PRKG1: variants seen among roughly 807,000 people sequenced by gnomAD.
PRKG1 encodes the protein protein kinase cGMP-dependent 1.
Under a neutral mutation model 88.1 loss-of-function variants are expected in PRKG1, and 35 were observed. The ratio of observed to expected loss-of-function variants is 0.40; its 90% CI spans 0.30 to 0.53. PRKG1 has a LOEUF of 0.53. Ranked by LOEUF, PRKG1 falls within the 20% of genes least tolerant of loss-of-function variation. PRKG1 has a pLI of 0.59. For missense variants in PRKG1, 540 were observed against 839.8 expected, an observed-to-expected ratio of 0.64 and a Z score of 4.41; for synonymous variants, 303 against 292.5, an observed-to-expected ratio of 1.04 and a Z score of -0.37.
chr10:51,944,284 C>T (rs146253149), intron 5 of PRKG1, among the ~76,000 whole-genome samples: 3,280 of 152,016 alleles, frequency 0.022, 140 homozygotes, highest in African/African-American at 0.071. Flanking sequence ...CGTATTTCTG[C>T]GGGATCAGTG....
chr10:51,776,927 C>T (rs560806812), intron 3 of PRKG1, among the ~76,000 whole-genome samples: 3 of 152,232 alleles, frequency 2.0e-5, no homozygotes, highest in African/African-American at 7.2e-5. Context: ...TCCTATGCCA[C>T]GGAAGACATT....
chr10:52,068,223 A>G (rs1174990368), intron 7 of PRKG1, among the ~76,000 whole-genome samples: 1 of 104,590 alleles, frequency 9.6e-6, no homozygotes, highest in Non-Finnish European at 2.5e-5. Context: ...AAAAAAAAAA[A>G]AAAAGATCCC....
rs75016545 is a variant in PRKG1 at position 51,703,450 on chromosome 10, T to C, written c.593-101135T>C. 2.6e-3 allele frequency among the ~76,000 whole-genome samples: 398 copies of C among 152,314 alleles called. 2 individuals are homozygous for C. The highest frequency in any genetic ancestry group is 9.4e-3 in the African/African-American group (391 of 41,556). On this transcript the variant is annotated intron_variant, in intron 3 of 17. Transcript: ENST00000373980. The stretch of plus-strand genomic sequence containing the variant: ...CCCTAGGTTAGAAGTAATTTTGTTT[T>C]TCTTTGGATATAAACCTTGATATAC...
rs10650535 is a variant in PRKG1, at chr10:51,852,213, G to GTATATATA, written c.698+47532_698+47539dup. On this transcript the variant is annotated intron_variant, in intron 4 of 17. Transcript: ENST00000373980. The stretch of plus-strand genomic sequence containing the variant: ...TTAGGCAAACCTAAGTTTTATATGT[G>GTATATATA]TATATATATATATATACACACACAC... 9.8e-5 allele frequency among the ~76,000 whole-genome samples: 14 copies of GTATATATA among 143,294 alleles called. 1 individual carries two copies. The South Asian group carries it at 1.1e-3, about 11-fold the overall frequency. The allele number at this position is 143,294 out of a possible 152,430, so 94.0% of individuals were successfully genotyped here. A position where few individuals can be genotyped will look rare whatever the true frequency, so the allele number is the denominator to read the frequency against.
intron 4 of PRKG1, among the ~76,000 whole-genome samples, chr10:51,893,863 T>C (rs895676722): frequency 3.9e-5 from 6 of 152,176 alleles, no homozygotes; most frequent in South Asian, 2.1e-4. Context: ...GCCTTTTTTT[T>C]CCCCTGATTC....
At chr10:51,966,935 A>G (rs1564731919) in intron 5 of PRKG1, among the ~76,000 whole-genome samples, 1 of 152,200 alleles carries the variant, frequency 6.6e-6, no homozygotes, top group Non-Finnish European at 1.5e-5. Flanking sequence ...GATGTGGAGA[A>G]AAAGGAACAC....
intron 3 of PRKG1, among the ~76,000 whole-genome samples, chr10:51,639,896 G>A (rs1839755716): frequency 6.6e-6 from 1 of 152,070 alleles, no homozygotes; most frequent in Non-Finnish European, 1.5e-5. Flanking sequence ...TTCTATTCAA[G>A]AGTATTGCTT....
At chr10:51,022,184 C>A (rs1439748478) in intron 1 of PRKG1, among the ~76,000 whole-genome samples, 1 of 152,120 alleles carries the variant, frequency 6.6e-6, no homozygotes, top group African/African-American at 2.4e-5. Flanking sequence ...AACATTGGAG[C>A]AGTTCCTCCA....
intron 3 of PRKG1, among the ~76,000 whole-genome samples, chr10:51,500,544 C>A (rs533139211): frequency 8.3e-4 from 127 of 152,284 alleles, no homozygotes; most frequent in African/African-American, 2.9e-3. Flanking sequence ...AATATCCAGG[C>A]TTGCTTAGAG....
intron 4 of PRKG1, among the ~76,000 whole-genome samples, chr10:51,873,883 C>T (rs996686532): frequency 3.0e-4 from 45 of 152,156 alleles, no homozygotes; most frequent in African/African-American, 9.4e-4. Context: ...TAAGTATTGA[C>T]CAATTTATGA....
At chr10:51,950,416 G>A (rs11000255) in intron 5 of PRKG1, among the ~76,000 whole-genome samples, 30,576 of 152,236 alleles carry the variant, frequency 0.2, 4,009 homozygotes, top group Non-Finnish European at 0.29. Flanking sequence ...GAGGCTTTTT[G>A]GAAGAGAGAA....
In PRKG1 at chr10:51,526,567, A is replaced by T. The variant is rs79779194; in HGVS notation, c.592+58731A>T. 2.8e-3 allele frequency among the ~76,000 whole-genome samples: 419 copies of T among 152,308 alleles called. 14 individuals carry two copies. The East Asian group carries it at 0.074, about 27-fold the overall frequency. ...CTCCTACTCTGAGGTAATCATTTTT[A>T]AAAAATTTAATAAGAAGTTCCTAGC... On this transcript the variant is annotated intron_variant, in intron 3 of 17. Coordinates refer to ENST00000373980, the MANE Select transcript of PRKG1 (RefSeq NM_006258.4).
chr10:51,735,930 CTTTT>C (rs1180307253), intron 3 of PRKG1, among the ~76,000 whole-genome samples: 6 of 74,962 alleles, frequency 8.0e-5, no homozygotes, highest in African/African-American at 3.2e-4. Context: ...TTTAAGTTGT[CTTTT>C]TTTTTTTTTT....
chr10:50,995,233 TGTAATCTA>T (rs1419174552), intron 1 of PRKG1, among the ~76,000 whole-genome samples: 1 of 152,218 alleles, frequency 6.6e-6, no homozygotes, highest in Non-Finnish European at 1.5e-5. Flanking sequence ...CATTAACGAC[TGTAATCTA>T]GTCAGTCCAA....
At chr10:52,209,726 C>A (rs1238534655) in intron 9 of PRKG1, among the ~76,000 whole-genome samples, 1 of 152,028 alleles carries the variant, frequency 6.6e-6, no homozygotes, top group Admixed American at 6.6e-5. Context: ...GCGGCAGCAC[C>A]ATCCATCCCC....
At chr10:51,922,759 C>T (rs1842489119) in intron 5 of PRKG1, among the ~76,000 whole-genome samples, 1 of 151,882 alleles carries the variant, frequency 6.6e-6, no homozygotes, top group Non-Finnish European at 1.5e-5. Flanking sequence ...TAAACACATA[C>T]TTTGTATAAT....
At chr10:51,547,669 A>G (rs1179670783) in intron 3 of PRKG1, among the ~76,000 whole-genome samples, 1 of 152,098 alleles carries the variant, frequency 6.6e-6, no homozygotes, top group Non-Finnish European at 1.5e-5. Context: ...AAAAAAATCA[A>G]TCTCAAAAGG....
chr10:51,523,847 C>G (rs946011565), intron 3 of PRKG1, among the ~76,000 whole-genome samples: 1 of 152,138 alleles, frequency 6.6e-6, no homozygotes, highest in Non-Finnish European at 1.5e-5. Context: ...ATAGTTTAAA[C>G]ATTTATGTCA....
intron 3 of PRKG1, among the ~76,000 whole-genome samples, chr10:51,666,750 T>G (rs1026229085): frequency 6.6e-6 from 1 of 152,168 alleles, no homozygotes; most frequent in Non-Finnish European, 1.5e-5. Flanking sequence ...AATTGTTAAA[T>G]GTGTTCAGTA....
Sources: gnomAD v4.1 joint callset for allele counts (sites outside exome capture counted in the v4.1 genomes callset) on GRCh38, gnomAD v4.1.1 for gene constraint, MANE v1.5 for transcripts, NCBI Gene and HGNC (gene_info 2026-07-23, HGNC 2026-07-21) for gene names.